DCAF10: variants seen among roughly 807,000 people sequenced by gnomAD.
DCAF10 encodes DDB1 and CUL4 associated factor 10.
DCAF10 carries 19 observed loss-of-function variants against 51.9 expected under a neutral mutation model. That is an observed-to-expected ratio of 0.37 (90% CI 0.26 to 0.54). The LOEUF is 0.54. Among genes scored for constraint, DCAF10 ranks in the 20% least tolerant of loss-of-function variants. DCAF10 has a pLI of 0.87. For missense variants in DCAF10, 510 were observed against 730.6 expected, an observed-to-expected ratio of 0.70 and a Z score of 3.48; for synonymous variants, 291 against 297.1, an observed-to-expected ratio of 0.98 and a Z score of 0.21.
At chr9:37,814,825 G>A (rs1175769506) in intron 1 of DCAF10, among the ~76,000 whole-genome samples, 1 of 152,066 alleles carries the variant, frequency 6.6e-6, no homozygotes, top group Non-Finnish European at 1.5e-5. Context: ...AACTATTCCA[G>A]TGTATAAAAT....
At chr9:37,807,658 CTTTTTTTTTTTT>C (rs5897701) in intron 1 of DCAF10, among the ~76,000 whole-genome samples, 1 of 72,558 alleles carries the variant, frequency 1.4e-5, no homozygotes, top group South Asian at 5.4e-4. Flanking sequence ...CTTTTCTTTT[CTTTTTTTTTTTT>C]TTTTTTTTTG....
chr9:37,826,820 C>CTTTTTTTT (rs397893920), intron 2 of DCAF10, among the ~76,000 whole-genome samples: 1 of 123,814 alleles, frequency 8.1e-6, no homozygotes, highest in Non-Finnish European at 1.7e-5. Flanking sequence ...ACCACAATAC[C>CTTTTTTTT]TTTTTTTTTT....
At chr9:37,825,769 A>T (rs1348221566) in intron 2 of DCAF10, among the ~76,000 whole-genome samples, 2 of 152,232 alleles carry the variant, frequency 1.3e-5, no homozygotes, top group Admixed American at 1.3e-4. Context: ...CTGTAATCCC[A>T]GCACTTTGGG....
intron 2 of DCAF10, among the ~76,000 whole-genome samples, chr9:37,838,925 T>G (rs1830253039): frequency 6.6e-6 from 1 of 152,126 alleles, no homozygotes; most frequent in Admixed American, 6.5e-5. Context: ...GTGAACACTA[T>G]TCAGCCATTA....
At chr9:37,853,017 G>T in intron 3 of DCAF10, among the ~76,000 whole-genome samples, 1 of 144,690 alleles carries the variant, frequency 6.9e-6, no homozygotes, top group African/African-American at 2.5e-5. Context: ...GAAACATCAT[G>T]TACACCATTA....
intron 1 of DCAF10, among the ~76,000 whole-genome samples, chr9:37,803,361 TACA>T (rs1829014662): frequency 6.6e-6 from 1 of 152,158 alleles, no homozygotes; most frequent in African/African-American, 2.4e-5. Context: ...AATATATTTC[TACA>T]ACATTAACAT....
intron 3 of DCAF10, among the ~76,000 whole-genome samples, chr9:37,843,528 GGTAAAAAACTAATAAAA>G: frequency 6.6e-6 from 1 of 152,052 alleles, no homozygotes; most frequent in Non-Finnish European, 1.5e-5. Flanking sequence ...ATTAGTAGAG[GGTAAAAAACTAATAAAA>G]CATGATCAAT....
At chr9:37,842,367 C>T (rs1830359563) in intron 3 of DCAF10, 81 bp downstream of exon 3, 3 of 1,350,068 alleles carry the variant, frequency 2.2e-6, no homozygotes, top group Admixed American at 5.4e-5. Flanking sequence ...GTGTTCTGTC[C>T]TAGCCTCAAG....
At chr9:37,860,219 A>C (rs1339905523) in intron 6 of DCAF10, 26 bp downstream of exon 6, 20 of 1,613,086 alleles carry the variant, frequency 1.2e-5, no homozygotes, top group Non-Finnish European at 1.6e-5. Flanking sequence ...CTCCACCTTC[A>C]ACAGGGCTCA....
intron 1 of DCAF10, among the ~76,000 whole-genome samples, chr9:37,818,676 G>A (rs531116396): frequency 6.6e-6 from 1 of 152,252 alleles, no homozygotes; most frequent in Non-Finnish European, 1.5e-5. Context: ...ATATTTTCCA[G>A]TACATTTTAT....
At chr9:37,840,278 G>A (rs1363489964) in intron 2 of DCAF10, among the ~76,000 whole-genome samples, 1 of 152,132 alleles carries the variant, frequency 6.6e-6, no homozygotes, top group Non-Finnish European at 1.5e-5. Flanking sequence ...AAATTAAACT[G>A]TAAAACAGCC....
chr9:37,855,696 A>G (rs1477258937), intron 4 of DCAF10, among the ~76,000 whole-genome samples: 1 of 152,188 alleles, frequency 6.6e-6, no homozygotes, highest in Non-Finnish European at 1.5e-5. Context: ...ATGCTAATAA[A>G]TTGCTATTAA....
Position 37,861,692 on chromosome 9 carries a change from G to A in DCAF10, c.*184G>A. The A allele has an allele frequency of 1.4e-6, 1 of 725,034 alleles. No homozygotes were observed. The highest frequency in any genetic ancestry group is 2.2e-6 in the Non-Finnish European group (1 of 460,150). The allele number at this position is 725,034 out of a possible 1,614,324, so 44.9% of individuals were successfully genotyped here. On this transcript the variant is annotated 3_prime_UTR_variant, in exon 7 of 7. Transcript: ENST00000377724. The surrounding 1 kb of genome is among the most constrained non-coding windows in gnomAD (Gnocchi z 4.9). ...TCCAGCATCATACAGGCATCTCCAA[G>A]TTAGACTCTATGCAGCATCATCTTT...
chr9:37,855,369 A>G (rs1830816260), intron 4 of DCAF10, among the ~76,000 whole-genome samples: 1 of 152,190 alleles, frequency 6.6e-6, no homozygotes, highest in African/African-American at 2.4e-5. Flanking sequence ...TATGGTCAAT[A>G]TAGAGTTTTA....
At chr9:37,813,396 A>T (rs1010801364) in intron 1 of DCAF10, among the ~76,000 whole-genome samples, 2 of 152,218 alleles carry the variant, frequency 1.3e-5, no homozygotes, top group African/African-American at 4.8e-5. Flanking sequence ...GTGCCTGGCC[A>T]AAAAAATGTT....
At chr9:37,804,874 A>G (rs576600867) in intron 1 of DCAF10, among the ~76,000 whole-genome samples, 18 of 152,286 alleles carry the variant, frequency 1.2e-4, no homozygotes, top group African/African-American at 4.3e-4. Flanking sequence ...GACAGTGGTA[A>G]TTATTTCAAT....
intron 5 of DCAF10, 48 bp from the exon 6 acceptor site, chr9:37,860,000 A>T: frequency 6.2e-7 from 1 of 1,608,154 alleles, no homozygotes; most frequent in Non-Finnish European, 8.5e-7. Flanking sequence ...GAACTGCCTT[A>T]GTTTTTTGAT....
chr9:37,861,135 C>T lies in DCAF10; in HGVS notation c.1312-5C>T, dbSNP rs748310902. 5 of 1,593,730 alleles carry T rather than the reference C, an allele frequency of 3.1e-6. No individual in the cohort carries two copies. The highest frequency in any genetic ancestry group is 2.6e-6 in the Non-Finnish European group (3 of 1,163,670). Reference sequence around the variant, plus strand: ...CCTTGGTTTGTCTCCCTTCTCTCCCCCTAGTGTACTTGTGTCTATGAATTC... The same window carrying T: ...CCTTGGTTTGTCTCCCTTCTCTCCCTCTAGTGTACTTGTGTCTATGAATTC... On this transcript the variant is annotated splice_region_variant and splice_polypyrimidine_tract_variant and intron_variant, in intron 6 of 6. Coordinates refer to ENST00000377724, the MANE Select transcript of DCAF10 (RefSeq NM_024345.5). This position sits in a 1 kb window ranked among gnomAD's most constrained non-coding sequence, Gnocchi z 4.9.
chr9:37,850,747 T>C (rs1830606603), intron 3 of DCAF10, among the ~76,000 whole-genome samples: 1 of 148,980 alleles, frequency 6.7e-6, no homozygotes, highest in Non-Finnish European at 1.5e-5. Flanking sequence ...TTTACTGTTG[T>C]TATTATATAT....
Sources: gnomAD v4.1 joint callset for allele counts (sites outside exome capture counted in the v4.1 genomes callset) on GRCh38, gnomAD v4.1.1 for gene constraint, Gnocchi (gnomAD v3.1) non-coding constraint, MANE v1.5 for transcripts, NCBI Gene and HGNC (gene_info 2026-07-23, HGNC 2026-07-21) for gene names.